Variants in USH2A observed in about 807,000 individuals in gnomAD.
USH2A encodes Usher syndrome 2A (autosomal recessive, mild).
Under a neutral mutation model 538.9 loss-of-function variants are expected in USH2A, and 443 were observed. The observed-to-expected ratio is 0.82, with a 90% CI of 0.76 to 0.89. The LOEUF (loss-of-function observed/expected upper bound fraction) is 0.89. Ranked by LOEUF, USH2A falls within the 40% of genes least tolerant of loss-of-function variation. The pLI is 0.00. For synonymous variants in USH2A, 2,413 were observed against 2,273.5 expected, an observed-to-expected ratio of 1.06 and a Z score of -1.75; for missense variants, 6,633 against 6,324.8, an observed-to-expected ratio of 1.05 and a Z score of -1.65.
At chr1:216,415,278 A>G (rs569113342) in intron 3 of USH2A, among the ~76,000 whole-genome samples, 2 of 152,172 alleles carry the variant, frequency 1.3e-5, no homozygotes, top group Admixed American at 1.3e-4. Context: ...TTCTTATGTA[A>G]ATAGGAAAAC....
rs370242084 is a variant in USH2A at position 216,232,225 on chromosome 1, A to G, written c.2810-89T>C. ...ATAATTGATTACACAGAAAAACAGA[A>G]TACTCTACCAAGGCACTAATTCCCA... is the stretch of plus-strand genomic sequence containing the variant. On this transcript the variant is annotated intron_variant, in intron 13 of 71. Coordinates refer to ENST00000307340, the MANE Select transcript of USH2A (RefSeq NM_206933.4). 2.1e-4 allele frequency: 289 copies of G among 1,391,022 alleles called. No homozygotes were observed. In the African/African-American group the frequency reaches 3.7e-3, roughly 18 times the overall value. The allele number at this position is 1,391,022 out of a possible 1,614,324, so 86.2% of individuals were successfully genotyped here. A position where few individuals can be genotyped will look rare whatever the true frequency, so the allele number is the denominator to read the frequency against.
intron 4 of USH2A, among the ~76,000 whole-genome samples, chr1:216,360,197 T>C (rs2038465054): frequency 6.6e-6 from 1 of 152,092 alleles, no homozygotes; most frequent in Non-Finnish European, 1.5e-5. Context: ...TCAACTATGC[T>C]ATATCTAACC....
At chr1:215,632,471 G>C (rs2797386) in intron 70 of USH2A, among the ~76,000 whole-genome samples, 1 of 152,014 alleles carries the variant, frequency 6.6e-6, no homozygotes, top group South Asian at 2.1e-4. Flanking sequence ...GGAAGACAGT[G>C]TTCTTCCTCA....
intron 21 of USH2A, among the ~76,000 whole-genome samples, chr1:216,135,359 T>C (rs945999029): frequency 3.9e-5 from 6 of 152,092 alleles, no homozygotes; most frequent in Non-Finnish European, 8.8e-5. Flanking sequence ...ATACAAGCTA[T>C]TATATAATAT....
chr1:215,832,269 C>T (rs1571728941), intron 47 of USH2A, among the ~76,000 whole-genome samples: 1 of 151,812 alleles, frequency 6.6e-6, no homozygotes, highest in East Asian at 1.9e-4. Context: ...GAAGGAAATG[C>T]TTCCCAAGTT....
chr1:215,785,393 C>A (rs1661769929), intron 52 of USH2A, among the ~76,000 whole-genome samples: 1 of 152,176 alleles, frequency 6.6e-6, no homozygotes, highest in African/African-American at 2.4e-5. Flanking sequence ...AAGTCTGTCC[C>A]TTTTGATGAT....
chr1:216,129,151 C>A (rs1057487359), intron 21 of USH2A, among the ~76,000 whole-genome samples: 1 of 151,884 alleles, frequency 6.6e-6, no homozygotes, highest in African/African-American at 2.4e-5. Flanking sequence ...TTCATTCATC[C>A]ATTGATGGAC....
At chr1:216,226,299 A>C (rs1572067618) in intron 14 of USH2A, among the ~76,000 whole-genome samples, 1 of 152,230 alleles carries the variant, frequency 6.6e-6, no homozygotes, top group African/African-American at 2.4e-5. Flanking sequence ...CAGTTACTTT[A>C]CATTGCAAAA....
intron 44 of USH2A, among the ~76,000 whole-genome samples, chr1:215,854,606 T>A (rs1163233452): frequency 6.6e-6 from 1 of 152,166 alleles, no homozygotes; most frequent in East Asian, 1.9e-4. Flanking sequence ...AGCTCTCTCT[T>A]CTGCAGAGAA....
At chr1:216,120,559 T>A (rs2033114946) in intron 21 of USH2A, among the ~76,000 whole-genome samples, 1 of 151,782 alleles carries the variant, frequency 6.6e-6, no homozygotes, top group South Asian at 2.1e-4. Flanking sequence ...TCTTGCATTG[T>A]TAGCAGAGAC....
In USH2A at chr1:216,338,580, CTT is replaced by C. The variant is rs570158917; in HGVS notation, c.785-10928_785-10927del. 2.9e-4 allele frequency among the ~76,000 whole-genome samples: 44 copies of C among 151,490 alleles called. 1 individual carries two copies. In the South Asian group the frequency reaches 8.5e-3, roughly 29 times the overall value. On this transcript the variant is annotated intron_variant, in intron 4 of 71. Transcript: ENST00000307340. The stretch of plus-strand genomic sequence containing the variant: ...TTCGCCAATGTTAAAATTTAAAACT[CTT>C]GTGTGACAGACCAAAAATACAAAAA...
intron 47 of USH2A, among the ~76,000 whole-genome samples, chr1:215,826,340 C>T (rs1298358457): frequency 1.3e-5 from 2 of 152,192 alleles, no homozygotes; most frequent in Admixed American, 1.3e-4. Context: ...CAAAGATTCT[C>T]ATGAGGACCT....
At chr1:215,749,361 C>T (rs1341241824) in intron 58 of USH2A, among the ~76,000 whole-genome samples, 3 of 152,132 alleles carry the variant, frequency 2.0e-5, no homozygotes, top group African/African-American at 7.2e-5. Context: ...AAACCATGAG[C>T]ATAGAAAATG....
At chr1:216,102,596 G>T (rs986925583) in intron 21 of USH2A, among the ~76,000 whole-genome samples, 1 of 151,940 alleles carries the variant, frequency 6.6e-6, no homozygotes, top group Non-Finnish European at 1.5e-5. Context: ...TCAGGAGACC[G>T]AGACCATCCT....
At chr1:215,782,223 T>A (rs1464798548) in intron 53 of USH2A, 27 bp from the exon 54 acceptor site, 1 of 1,611,240 alleles carries the variant, frequency 6.2e-7, no homozygotes, top group African/African-American at 1.3e-5. Flanking sequence ...AATGACTGCA[T>A]TTGAATGTGA....
At chr1:216,239,907 T>G (rs2035901438) in intron 13 of USH2A, among the ~76,000 whole-genome samples, 4 of 151,740 alleles carry the variant, frequency 2.6e-5, no homozygotes, top group African/African-American at 9.7e-5. Context: ...CTGCAAAGAT[T>G]TGGTCTGAAA....
chr1:215,647,724 T>G lies in USH2A; in HGVS notation c.14589A>C (p.Glu4863Asp). 1 of 1,614,090 alleles carries G rather than the reference T, an allele frequency of 6.2e-7. No individual in the cohort carries two copies. Among genetic ancestry groups the G allele is most frequent in the Non-Finnish European group, 8.5e-7 (1 of 1,180,006 alleles). ...MFPNGVIHSY[E>D]LQFHVACPPD... is the part of the protein sequence containing the mutation. The stretch of plus-strand genomic sequence containing the variant: ...GAGGGCAAGCCACGTGGAATTGGAG[T>G]TCATAGCTAAAATGAGAATGGATAC... The change falls in exon 67 of 72, where the codon GAA becomes GAC. Residue 4863 changes from glutamate to aspartate, a missense_variant. Glu to Asp is a conservative substitution (Grantham distance 45). Coordinates refer to ENST00000307340, the MANE Select transcript of USH2A (RefSeq NM_206933.4).
intron 64 of USH2A, among the ~76,000 whole-genome samples, chr1:215,655,539 A>G (rs576229176): frequency 1.1e-4 from 16 of 152,128 alleles, no homozygotes; most frequent in Admixed American, 8.5e-4. Flanking sequence ...TCTCAACCCA[A>G]CATTTCTCCT....
chr1:216,050,900 C>T (rs1423828093), intron 30 of USH2A, among the ~76,000 whole-genome samples: 16 of 152,050 alleles, frequency 1.1e-4, no homozygotes, highest in Admixed American at 1.0e-3. Context: ...CCACTGTGCC[C>T]GGCCGGCCGA....
Sources: allele counts gnomAD v4.1 joint callset (sites outside exome capture counted in the v4.1 genomes callset), GRCh38; gene constraint gnomAD v4.1.1; transcripts MANE v1.5; gene names NCBI Gene and HGNC (gene_info 2026-07-23, HGNC 2026-07-21).